Variants in MPND observed in about 807,000 individuals in gnomAD.
MPND encodes the protein MPN domain containing.
MPND carries 56 observed loss-of-function variants against 59.2 expected under a neutral mutation model. That is an observed-to-expected ratio of 0.95 (90% CI 0.76 to 1.18). The LOEUF (loss-of-function observed/expected upper bound fraction) is 1.18. Ranked by LOEUF, MPND falls within the 50% of genes most tolerant of loss-of-function variation. The probability of loss-of-function intolerance (pLI) is 0.00; values close to 1 mark genes in which losing one functional copy is unlikely to be tolerated. For missense variants in MPND, 671 were observed against 676.0 expected (o/e 0.99, Z 0.08); for synonymous variants, 323 against 291.9 (o/e 1.11, Z -1.09).
At chr19:4,359,527 C>T (rs543846518) in intron 12 of MPND, among the ~76,000 whole-genome samples, 8 of 152,282 alleles carry the variant, frequency 5.3e-5, no homozygotes, top group South Asian at 4.1e-4. Flanking sequence ...GGGTCCTGGC[C>T]ACCCCTGAGT....
intron 11 of MPND, among the ~76,000 whole-genome samples, chr19:4,358,620 A>G (rs184445352): frequency 2.0e-5 from 3 of 152,130 alleles, no homozygotes; most frequent in African/African-American, 4.8e-5. Flanking sequence ...AAACCCTGTC[A>G]CTACCAAGAT....
chr19:4,359,605 C>T (rs956606163), intron 12 of MPND, among the ~76,000 whole-genome samples: 15 of 152,170 alleles, frequency 9.9e-5, no homozygotes, highest in Non-Finnish European at 1.5e-4. Context: ...GCTCAGCTCT[C>T]GGCTAGCTGT....
rs570902410 is a variant in MPND at position 4,351,103 on chromosome 19, T to C, written c.532-1794T>C. 8.8e-4 allele frequency among the ~76,000 whole-genome samples: 134 copies of C among 152,226 alleles called. 1 individual carries two copies. Among genetic ancestry groups the C allele is most frequent in the African/African-American group, 3.1e-3 (130 of 41,536 alleles). ...TAGGACAGAACTGGAGGAGAGGTTA[T>C]TTTTAATTTGTATTTTTGTAGACAG... is the stretch of plus-strand genomic sequence containing the variant. On this transcript the variant is annotated intron_variant, in intron 3 of 12. Transcript: ENST00000599840.
intron 8 of MPND, among the ~76,000 whole-genome samples, chr19:4,355,978 T>C (rs920997567): frequency 5.3e-5 from 8 of 151,270 alleles, no homozygotes; most frequent in Admixed American, 6.6e-5. Context: ...CTCTGCCTCC[T>C]GAATACCTAG....
At chr19:4,350,550 G>A (rs1294904227) in intron 3 of MPND, among the ~76,000 whole-genome samples, 1 of 152,208 alleles carries the variant, frequency 6.6e-6, no homozygotes, top group Non-Finnish European at 1.5e-5. Context: ...GAGCAGGGAA[G>A]AAGTGGGCAG....
At chr19:4,357,697 T>A in intron 10 of MPND, 112 bp downstream of exon 10, 1 of 1,045,914 alleles carries the variant, frequency 9.6e-7, no homozygotes, top group Non-Finnish European at 1.4e-6. Flanking sequence ...GGGGCCCCAG[T>A]TTCTCCATCT....
intron 3 of MPND, among the ~76,000 whole-genome samples, chr19:4,351,453 C>T (rs540853406): frequency 6.6e-6 from 1 of 152,314 alleles, no homozygotes; most frequent in East Asian, 1.9e-4. Context: ...ATGGTGCTGG[C>T]TCGCTCAATG....
chr19:4,357,947 C>A (rs1404864590), intron 10 of MPND, 136 bp from the exon 11 acceptor site: 1 of 694,288 alleles, frequency 1.4e-6, no homozygotes. Flanking sequence ...GGTCCCACCA[C>A]CAGGTGCCGA....
rs143419408 is a variant in MPND at position 4,346,459 on chromosome 19, C to T, written c.531+478C>T. Among the ~76,000 whole-genome samples the T allele has an allele frequency of 6.4e-3, 972 of 152,046 alleles. 13 individuals are homozygous for T. The highest frequency in any genetic ancestry group is 0.022 in the African/African-American group (917 of 41,482). On this transcript the variant is annotated intron_variant, in intron 3 of 12. Coordinates refer to ENST00000599840, the MANE Select transcript of MPND (RefSeq NM_001300862.2). ...TTGAGACAGGGTCTCACTCTGTGGC[C>T]CAGGCTGGAGTGCAGTGCCCCCATC...
chr19:4,346,459 C>G (rs143419408), intron 3 of MPND, among the ~76,000 whole-genome samples: 3 of 151,930 alleles, frequency 2.0e-5, no homozygotes, highest in Non-Finnish European at 2.9e-5. Context: ...ACTCTGTGGC[C>G]CAGGCTGGAG....
chr19:4,355,292 C>A, intron 8 of MPND, 119 bp downstream of exon 8: 1 of 973,440 alleles, frequency 1.0e-6, no homozygotes, highest in Non-Finnish European at 1.6e-6. Flanking sequence ...TGAGCATGCC[C>A]GTCTGTGTGC....
At chr19:4,357,736 C>G (rs1378589567) in intron 10 of MPND, 151 bp downstream of exon 10, 15 of 768,464 alleles carry the variant, frequency 2.0e-5, no homozygotes, top group Admixed American at 5.7e-5. Flanking sequence ...TGCTGCCCTG[C>G]CCATATTTTG....
chr19:4,350,132 G>A (rs943437518), intron 3 of MPND, among the ~76,000 whole-genome samples: 5 of 152,106 alleles, frequency 3.3e-5, no homozygotes, highest in African/African-American at 1.2e-4. Context: ...AACTGAAGGT[G>A]GGGAGGGAGG....
intron 3 of MPND, among the ~76,000 whole-genome samples, chr19:4,349,216 C>T (rs764456801): frequency 7.9e-5 from 12 of 151,938 alleles, no homozygotes; most frequent in East Asian, 3.9e-4. Flanking sequence ...TACAAGGGCG[C>T]GCCACCAAGC....
chr19:4,352,703 A>G (rs1972345685), intron 3 of MPND, among the ~76,000 whole-genome samples, 194 bp from the exon 4 acceptor site: 1 of 129,914 alleles, frequency 7.7e-6, no homozygotes, highest in African/African-American at 3.1e-5. Flanking sequence ...TAAATAAAAA[A>G]TAAATTACAA....
At position 4,357,380 on chromosome 19, in the gene MPND, G is replaced by A. The variant is rs369355184; in HGVS notation, c.1124G>A (p.Gly375Asp). 14 of 1,612,822 alleles carry A rather than the reference G, an allele frequency of 8.7e-6. No individual in the cohort carries two copies. The highest frequency in any genetic ancestry group is 1.3e-5 in the African/African-American group (1 of 74,964). Residue 375 changes from glycine to aspartate, a missense_variant, in exon 9 of 13, where the codon GGC (glycine) becomes GAC (aspartate). Physicochemically the swap from Gly to Asp is moderately conservative, Grantham distance 94. Coordinates refer to ENST00000599840, the MANE Select transcript of MPND (RefSeq NM_001300862.2). ...AQMDYQLRLQ[G>D]SSNGFQPCLA... ...ATGGACTACCAGCTGCGGCTGCAGG[G>A]CTCCAGCAATGGCTTCCAGCCCTGC...
Position 4,357,344 on chromosome 19 carries a change from T to C in MPND, c.1088T>C (p.Ile363Thr), listed in dbSNP as rs774226987. ...CCGGCGCTGCCATCTCTGCAGGACA[T>C]CGACGCACAGATGGACTACCAGCTG... Reference protein sequence around the residue: ...HSPALPSLQDIDAQMDYQLRL... With the variant: ...HSPALPSLQDTDAQMDYQLRL... Residue 363 changes from isoleucine to threonine, a missense_variant, in exon 9 of 13, where the codon ATC becomes ACC. Coordinates refer to ENST00000599840, the MANE Select transcript of MPND (RefSeq NM_001300862.2). 2.6e-5 allele frequency: 42 copies of C among 1,613,294 alleles called. No homozygotes were observed. The highest frequency in any genetic ancestry group is 3.1e-5 in the Non-Finnish European group (37 of 1,180,010).
intron 3 of MPND, among the ~76,000 whole-genome samples, chr19:4,350,849 A>G (rs1315963786): frequency 6.6e-6 from 1 of 151,862 alleles, no homozygotes; most frequent in Non-Finnish European, 1.5e-5. Flanking sequence ...CTGAGAGGGG[A>G]TGAGGCCACC....
At position 4,360,051 on chromosome 19, in the gene MPND, C is replaced by T; in HGVS notation, c.*49C>T. 2 of 1,487,830 alleles carry T rather than the reference C, an allele frequency of 1.3e-6. No homozygotes were observed. Among genetic ancestry groups the T allele is most frequent in the Non-Finnish European group, 1.8e-6 (2 of 1,092,632 alleles). 92.2% of individuals were successfully genotyped at this position (1,487,830 alleles called of 1,614,324 possible). On this transcript the variant is annotated 3_prime_UTR_variant, in exon 13 of 13. Coordinates refer to ENST00000599840, the MANE Select transcript of MPND (RefSeq NM_001300862.2). ...CAGTTGTCTTGAGGGTCCGGATGGGCTCAGGTAATAAAGAAACGGAAGCAG... is the reference window on the plus strand; with the variant it reads ...CAGTTGTCTTGAGGGTCCGGATGGGTTCAGGTAATAAAGAAACGGAAGCAG...
Sources: allele counts gnomAD v4.1 joint callset (sites outside exome capture counted in the v4.1 genomes callset), GRCh38; gene constraint gnomAD v4.1.1; transcripts MANE v1.5; gene names NCBI Gene and HGNC (gene_info 2026-07-23, HGNC 2026-07-21).